FANCC: variants seen among roughly 807,000 people sequenced by gnomAD.
FANCC encodes the protein FA complementation group C, also known as Fanconi anemia group C protein.
A neutral mutation model predicts 71.3 loss-of-function variants in FANCC; 55 were observed. The observed-to-expected ratio is 0.77, with a 90% CI of 0.62 to 0.97. The LOEUF is 0.97. Ranked by LOEUF, FANCC falls within the 50% of genes least tolerant of loss-of-function variation. FANCC has a pLI of 0.00. For synonymous variants in FANCC, 275 were observed against 244.9 expected, an observed-to-expected ratio of 1.12 and a Z score of -1.15; for missense variants, 678 against 670.9, an observed-to-expected ratio of 1.01 and a Z score of -0.12.
At chr9:95,292,627 GCCCC>G (rs1834111941) in intron 1 of FANCC, 13 of 1,423,210 alleles carry the variant, frequency 9.1e-6, no homozygotes, top group African/African-American at 1.4e-5. Context: ...CTGCCCAACA[GCCCC>G]GCGCTCAACA....
intron 14 of FANCC, among the ~76,000 whole-genome samples, chr9:95,103,382 A>G (rs534117912): frequency 2.0e-5 from 3 of 152,302 alleles, no homozygotes; most frequent in African/African-American, 7.2e-5. Flanking sequence ...ATTCATTTTG[A>G]GTTCAACGAC....
chr9:95,220,992 G>A (rs1829220822), intron 4 of FANCC, among the ~76,000 whole-genome samples: 1 of 152,090 alleles, frequency 6.6e-6, no homozygotes, highest in South Asian at 2.1e-4. Context: ...AGCACTTTGG[G>A]AGGCTGAGGC....
At chr9:95,260,437 G>C (rs1831955580) in intron 1 of FANCC, among the ~76,000 whole-genome samples, 1 of 152,086 alleles carries the variant, frequency 6.6e-6, no homozygotes, top group African/African-American at 2.4e-5. Context: ...ACCAACACAG[G>C]AACAGAAAAC....
intron 13 of FANCC, among the ~76,000 whole-genome samples, chr9:95,108,359 C>G (rs972751263): frequency 6.6e-6 from 1 of 152,246 alleles, no homozygotes; most frequent in Non-Finnish European, 1.5e-5. Flanking sequence ...ATGGTGTCTA[C>G]GGGAGCCCAA....
chr9:95,309,673 T>C (rs1218910857), intron 1 of FANCC, among the ~76,000 whole-genome samples: 1 of 152,198 alleles, frequency 6.6e-6, no homozygotes, highest in Non-Finnish European at 1.5e-5. Flanking sequence ...GCCTTTGGTT[T>C]CCAGTAATTG....
chr9:95,283,589 T>C (rs912007304), intron 1 of FANCC, among the ~76,000 whole-genome samples: 7 of 152,202 alleles, frequency 4.6e-5, no homozygotes, highest in African/African-American at 1.7e-4. Context: ...TTAATGAAAA[T>C]ACAGGCTTAC....
chr9:95,135,223 A>C, intron 8 of FANCC, 123 bp downstream of exon 8: 1 of 957,264 alleles, frequency 1.0e-6, no homozygotes, highest in Non-Finnish European at 1.7e-6. Context: ...TAAATACACG[A>C]TTATATATAA....
intron 4 of FANCC, among the ~76,000 whole-genome samples, chr9:95,232,560 T>C (rs1830072024): frequency 6.6e-6 from 1 of 152,240 alleles, no homozygotes; most frequent in Admixed American, 6.5e-5. Context: ...AAATAAGATT[T>C]TTTTCTTGCA....
chr9:95,146,593 T>C lies in FANCC; in HGVS notation c.686+3330A>G, dbSNP rs4647504. Among the ~76,000 whole-genome samples the C allele has an allele frequency of 5.6e-3, 853 of 151,500 alleles. 9 individuals are homozygous for C. The highest frequency in any genetic ancestry group is 0.02 in the African/African-American group (812 of 41,248). ...AAATGTCAAGTTTATAAGCAGTAAG[T>C]ATCATTTTAAAATCACATTGCATGT... On this transcript the variant is annotated intron_variant, in intron 7 of 14. Coordinates refer to ENST00000289081, the MANE Select transcript of FANCC (RefSeq NM_000136.3).
intron 1 of FANCC, among the ~76,000 whole-genome samples, chr9:95,312,375 T>C (rs1564849770): frequency 6.6e-6 from 1 of 152,210 alleles, no homozygotes; most frequent in Non-Finnish European, 1.5e-5. Flanking sequence ...TGTCATTTTC[T>C]TTTTTAGAGA....
intron 6 of FANCC, among the ~76,000 whole-genome samples, chr9:95,154,245 CAAAAAAAAAA>C (rs58720791): frequency 1.2e-4 from 6 of 49,946 alleles, no homozygotes; most frequent in East Asian, 6.1e-4. Flanking sequence ...GACTCCGTCT[CAAAAAAAAAA>C]AAAAAAAAAA....
intron 1 of FANCC, among the ~76,000 whole-genome samples, chr9:95,255,578 A>G (rs1831610700): frequency 6.6e-6 from 1 of 152,174 alleles, no homozygotes; most frequent in South Asian, 2.1e-4. Flanking sequence ...AGATAAATCC[A>G]TGAAGATGAG....
At chr9:95,211,724 C>T (rs796797095) in intron 4 of FANCC, among the ~76,000 whole-genome samples, 62 of 151,756 alleles carry the variant, frequency 4.1e-4, no homozygotes, top group African/African-American at 1.5e-3. Flanking sequence ...AAAATATGAC[C>T]CATAACCAAA....
chr9:95,158,109 C>T (rs930514755), intron 6 of FANCC, among the ~76,000 whole-genome samples: 2 of 152,126 alleles, frequency 1.3e-5, no homozygotes, highest in Non-Finnish European at 2.9e-5. Context: ...GGCAACTCTC[C>T]GGCCTACCTT....
intron 10 of FANCC, among the ~76,000 whole-genome samples, chr9:95,124,026 C>A (rs1331097865): frequency 5.6e-5 from 8 of 143,692 alleles, no homozygotes; most frequent in African/African-American, 1.8e-4. Context: ...ATCACCTGAG[C>A]TTGGGGGGTT....
intron 4 of FANCC, among the ~76,000 whole-genome samples, chr9:95,210,116 T>C (rs1252770343): frequency 2.0e-5 from 3 of 152,168 alleles, no homozygotes; most frequent in African/African-American, 7.2e-5. Flanking sequence ...ATTATATCTA[T>C]ATAAAATTTT....
chr9:95,104,650 G>A (rs2071302209), intron 14 of FANCC, among the ~76,000 whole-genome samples: 1 of 152,162 alleles, frequency 6.6e-6, no homozygotes, highest in South Asian at 2.1e-4. Flanking sequence ...ATGGCATCAG[G>A]ATAACTGAAG....
intron 1 of FANCC, among the ~76,000 whole-genome samples, chr9:95,280,035 A>G (rs1833292365): frequency 6.6e-6 from 1 of 152,040 alleles, no homozygotes; most frequent in African/African-American, 2.4e-5. Flanking sequence ...TATGCTGTCT[A>G]TAGAAGACAC....
chr9:95,131,092 C>T (rs945560243), intron 8 of FANCC, among the ~76,000 whole-genome samples: 3 of 152,192 alleles, frequency 2.0e-5, no homozygotes, highest in Non-Finnish European at 4.4e-5. Context: ...GTTGTTTATA[C>T]ACAAACAATT....
Sources: gnomAD v4.1 joint callset for allele counts (sites outside exome capture counted in the v4.1 genomes callset) on GRCh38, gnomAD v4.1.1 for gene constraint, MANE v1.5 for transcripts, NCBI Gene and HGNC (gene_info 2026-07-23, HGNC 2026-07-21) for gene names.